Variants in FANCB observed in about 807,000 individuals in gnomAD.
FANCB encodes the protein Fanconi anemia group B protein.
FANCB carries 5 observed loss-of-function variants against 38.9 expected under a neutral mutation model. The ratio of observed to expected loss-of-function variants is 0.13; its 90% CI spans 0.07 to 0.27. FANCB has a LOEUF of 0.27. Ranked by LOEUF, FANCB falls within the 10% of genes least tolerant of loss-of-function variation. The probability of loss-of-function intolerance (pLI) is 1.00; values close to 1 mark genes in which losing one functional copy is unlikely to be tolerated. For synonymous variants in FANCB, 236 were observed against 215.4 expected, an observed-to-expected ratio of 1.10 and a Z score of -0.84; for missense variants, 573 against 602.7, an observed-to-expected ratio of 0.95 and a Z score of 0.52.
At chrX:14,755,302 T>C in the FANCB span, among the ~76,000 whole-genome samples, 1 of 111,478 alleles carries the variant, frequency 9.0e-6, no homozygotes, top group Non-Finnish European at 1.9e-5. Flanking sequence ...ATAGAACAAT[T>C]ATGCAAGAGA....
At chrX:14,737,293 C>T in the FANCB span, among the ~76,000 whole-genome samples, 2 of 111,872 alleles carry the variant, frequency 1.8e-5, no homozygotes, top group Non-Finnish European at 3.8e-5. Context: ...TTATGAGAGC[C>T]CCTGTGAAGT....
chrX:14,820,504 T>C, the FANCB span, among the ~76,000 whole-genome samples: 2 of 111,913 alleles, frequency 1.8e-5, no homozygotes, highest in East Asian at 5.5e-4. Flanking sequence ...GAAGATAAGC[T>C]CATTAAGGAC....
the FANCB span, among the ~76,000 whole-genome samples, chrX:14,782,722 G>A: frequency 8.9e-6 from 1 of 112,160 alleles, no homozygotes; most frequent in Non-Finnish European, 1.9e-5. Context: ...TAAGAAGCTA[G>A]ACTCAGAATC....
the FANCB span, among the ~76,000 whole-genome samples, chrX:14,744,051 T>A: frequency 8.9e-6 from 1 of 112,003 alleles, no homozygotes; most frequent in Non-Finnish European, 1.9e-5. Flanking sequence ...AACATGAATT[T>A]TGGGTACACA....
At chrX:14,701,744 A>G in the FANCB span, among the ~76,000 whole-genome samples, 3 of 112,950 alleles carry the variant, frequency 2.7e-5, no homozygotes, top group East Asian at 8.3e-4. Context: ...ATGATTCTTT[A>G]TATTTCTATA....
At chrX:14,768,379 C>T in the FANCB span, among the ~76,000 whole-genome samples, 1 of 111,340 alleles carries the variant, frequency 9.0e-6, no homozygotes, top group Non-Finnish European at 1.9e-5. Flanking sequence ...CTTTCACTTC[C>T]CTTGCTAGCT....
At chrX:14,694,407 AAAG>A in the FANCB span, among the ~76,000 whole-genome samples, 47 of 112,311 alleles carry the variant, frequency 4.2e-4, no homozygotes, top group Middle Eastern at 4.6e-3. Flanking sequence ...TGAGAGGGAC[AAAG>A]AAGTAGAAAA....
the FANCB span, among the ~76,000 whole-genome samples, chrX:14,733,434 G>T: frequency 2.8e-4 from 31 of 112,003 alleles, no homozygotes; most frequent in African/African-American, 1.0e-3. Flanking sequence ...GATGGGGATA[G>T]TATTGAATCT....
chrX:14,844,800 T>G (rs2092368970), intron 8 of FANCB, 56 bp downstream of exon 8: 1 of 1,158,366 alleles, frequency 8.6e-7, no homozygotes, highest in Non-Finnish European at 1.2e-6. Flanking sequence ...TAAACAGAAT[T>G]CTTAAAATTT....
rs1452509996 is a variant in FANCB at position 14,857,854 on chromosome X, A to G, written c.1197+8T>C. The G allele has an allele frequency of 1.8e-6, 2 of 1,113,581 alleles. No homozygotes were observed. Among genetic ancestry groups the G allele is most frequent in the Non-Finnish European group, 2.5e-6 (2 of 806,528 alleles). The allele number at this position is 1,113,581 out of a possible 1,213,427, so 91.8% of individuals were successfully genotyped here. A position where few individuals can be genotyped will look rare whatever the true frequency, so the allele number is the denominator to read the frequency against. On this transcript the variant is annotated splice_region_variant and intron_variant, in intron 5 of 9. Coordinates refer to ENST00000650831, the MANE Select transcript of FANCB (RefSeq NM_001018113.3). ...ATCGAAAAGCAAAAGAAGCAAACAGACACTAACTTTCAGTCCTGTTTCTAG... is the reference window on the plus strand; with the variant it reads ...ATCGAAAAGCAAAAGAAGCAAACAGGCACTAACTTTCAGTCCTGTTTCTAG...
At chrX:14,776,085 G>A in the FANCB span, among the ~76,000 whole-genome samples, 1 of 86,098 alleles carries the variant, frequency 1.2e-5, no homozygotes, top group Non-Finnish European at 2.2e-5. Context: ...GGGCACGTCT[G>A]ATATGCCCTG....
chrX:14,691,823 G>A, the FANCB span, among the ~76,000 whole-genome samples: 1 of 111,970 alleles, frequency 8.9e-6, no homozygotes, highest in East Asian at 2.8e-4. Flanking sequence ...GTTACCTCCT[G>A]TAACAATATT....
At chrX:14,718,362 T>C in the FANCB span, among the ~76,000 whole-genome samples, 2 of 112,308 alleles carry the variant, frequency 1.8e-5, no homozygotes, top group Non-Finnish European at 3.8e-5. Flanking sequence ...ATATTTATCT[T>C]ACTTTATGGC....
chrX:14,781,010 T>C, the FANCB span, among the ~76,000 whole-genome samples: 1 of 108,445 alleles, frequency 9.2e-6, no homozygotes, highest in African/African-American at 3.5e-5. Context: ...TGAGGTAACA[T>C]GGAGAGAGAA....
chrX:14,766,938 T>C, the FANCB span, among the ~76,000 whole-genome samples: 19 of 111,963 alleles, frequency 1.7e-4, no homozygotes, highest in African/African-American at 5.8e-4. Context: ...AGTGAGAACA[T>C]GCAGTGTTTG....
chrX:14,857,825 A>G, intron 5 of FANCB, 37 bp downstream of exon 5: 3 of 899,816 alleles, frequency 3.3e-6, no homozygotes, highest in East Asian at 3.1e-5. Context: ...TTAGAATAAC[A>G]CTAATCGAAA....
At chrX:14,690,727 G>T in the FANCB span, 1 of 1,197,414 alleles carries the variant, frequency 8.4e-7, no homozygotes, top group Non-Finnish European at 1.1e-6. Flanking sequence ...ATGTAAAAGC[G>T]ATTGACATCT....
the FANCB span, among the ~76,000 whole-genome samples, chrX:14,790,122 C>T: frequency 8.9e-6 from 1 of 111,829 alleles, no homozygotes; most frequent in Non-Finnish European, 1.9e-5. Context: ...CCAGTGAATA[C>T]AGCAGACCAA....
chrX:14,704,652 G>A, the FANCB span, among the ~76,000 whole-genome samples: 1,907 of 111,233 alleles, frequency 0.017, 40 homozygotes, highest in African/African-American at 0.051. Context: ...GAGTATAACC[G>A]TTTATAAAAT....
Sources: allele counts gnomAD v4.1 joint callset (sites outside exome capture counted in the v4.1 genomes callset), GRCh38; gene constraint gnomAD v4.1.1; transcripts MANE v1.5; gene names NCBI Gene and HGNC (gene_info 2026-07-23, HGNC 2026-07-21).